RAB11FIP3: variants seen among roughly 807,000 people sequenced by gnomAD.
RAB11FIP3 encodes RAB11 family interacting protein 3, also known as rab11 family-interacting protein 3.
RAB11FIP3 carries 17 observed loss-of-function variants against 77.8 expected under a neutral mutation model. The observed-to-expected ratio is 0.22, with a 90% CI of 0.15 to 0.33. The LOEUF is 0.33. Ranked by LOEUF, RAB11FIP3 falls within the 10% of genes least tolerant of loss-of-function variation. RAB11FIP3 has a pLI of 1.00. For synonymous variants in RAB11FIP3, 437 were observed against 448.2 expected, an observed-to-expected ratio of 0.98 and a Z score of 0.31; for missense variants, 1,005 against 1,011.2, an observed-to-expected ratio of 0.99 and a Z score of 0.08.
chr16:505,149 C>G lies in RAB11FIP3; in HGVS notation c.1396-375C>G, dbSNP rs1204478429. On this transcript the variant is annotated intron_variant, in intron 7 of 13. Transcript: ENST00000262305. The surrounding 1 kb of genome is among the most constrained non-coding windows in gnomAD (Gnocchi z 4.0). ...GGACCGAGACATGGATCTGTCTGTC[C>G]CTTGCATCCATGGGCACCTGGGCTG... Among the ~76,000 whole-genome samples, 1 of 151,540 alleles carries G rather than the reference C, an allele frequency of 6.6e-6. No individual in the cohort carries two copies. The highest frequency in any genetic ancestry group is 1.5e-5 in the Non-Finnish European group (1 of 67,928).
At chr16:453,597 T>TG (rs143706828) in intron 1 of RAB11FIP3, 49,346 of 148,338 alleles carry the variant, frequency 0.33, 10,474 homozygotes, top group Middle Eastern at 0.49. Context: ...TTTTTTTTTT[T>TG]TTTTTTTTTT....
rs200080085 is a variant in RAB11FIP3, at chr16:482,539, G to A, written c.918G>A (p.Thr306=). 3.8e-5 allele frequency: 62 copies of A among 1,613,520 alleles called. 2 individuals carry two copies. In the South Asian group the frequency reaches 5.2e-4, roughly 13 times the overall value. The change falls in exon 4 of 14, where the codon ACG becomes ACA. Residue 306 remains threonine, a synonymous_variant. Coordinates refer to ENST00000262305, the MANE Select transcript of RAB11FIP3 (RefSeq NM_014700.4). ...CTCTCTCCTAGGCCAACGAGGTGAC[G>A]GACAGCGCGTACATGGGCTCCGAGA... ...DFVTYEANEV[T]DSAYMGSEST...
At chr16:469,545 C>T (rs993720800) in intron 2 of RAB11FIP3, among the ~76,000 whole-genome samples, 1 of 151,966 alleles carries the variant, frequency 6.6e-6, no homozygotes, top group East Asian at 1.9e-4. Context: ...CAGGCATGCC[C>T]CCACCACACC....
At chr16:445,128 AAAAG>A (rs2055292419) in intron 1 of RAB11FIP3, among the ~76,000 whole-genome samples, 2 of 141,778 alleles carry the variant, frequency 1.4e-5, no homozygotes, top group Non-Finnish European at 3.1e-5. Context: ...AAAAAAAAAA[AAAAG>A]AAAAAAAGAT....
At chr16:454,379 C>T (rs1264170232) in intron 1 of RAB11FIP3, among the ~76,000 whole-genome samples, 1 of 152,110 alleles carries the variant, frequency 6.6e-6, no homozygotes, top group Non-Finnish European at 1.5e-5. Context: ...GAGTTTGAGA[C>T]CAGCCTGAGC....
chr16:425,937 G>C lies in RAB11FIP3; in HGVS notation c.-70G>C. The C allele has an allele frequency of 1.6e-6, 1 of 643,840 alleles. No homozygotes were observed. 39.9% of individuals were successfully genotyped at this position (643,840 alleles called of 1,614,324 possible). A position where few individuals can be genotyped will look rare whatever the true frequency, so the allele number is the denominator to read the frequency against. On this transcript the variant is annotated 5_prime_UTR_variant, in exon 1 of 14. Transcript: ENST00000262305. ...CCCGCGCCGCCGAGGGGATGCCCGC[G>C]CCCGCCGCCGCGCCCTGAGCGCCTT... is the stretch of plus-strand genomic sequence containing the variant.
chr16:485,404 A>G (rs748540315), intron 4 of RAB11FIP3, among the ~76,000 whole-genome samples: 14 of 140,700 alleles, frequency 1.0e-4, no homozygotes, highest in Non-Finnish European at 2.1e-4. Flanking sequence ...CTTTTGAGGA[A>G]CAGATTTTTG....
rs2031872263 is a variant in RAB11FIP3 at position 506,285 on chromosome 16, T to C, written c.1499+658T>C. On this transcript the variant is annotated intron_variant, in intron 8 of 13. Coordinates refer to ENST00000262305, the MANE Select transcript of RAB11FIP3 (RefSeq NM_014700.4). This position sits in a 1 kb window ranked among gnomAD's most constrained non-coding sequence, Gnocchi z 4.5. ...AGCCGATTTGCAGGACTGTTTCCGG[T>C]GCAAAGTAAGATGAGCTTGTCCCAG... 1.3e-5 allele frequency among the ~76,000 whole-genome samples: 2 copies of C among 152,022 alleles called. No individual in the cohort carries two copies. Among genetic ancestry groups the C allele is most frequent in the Non-Finnish European group, 2.9e-5 (2 of 68,004 alleles).
In RAB11FIP3 at chr16:507,876, A is replaced by G. The variant is rs1042327807; in HGVS notation, c.1499+2249A>G. The stretch of plus-strand genomic sequence containing the variant: ...TCTGAGCCATTTGCTCTCTAGCCCT[A>G]CCATACAGCTGCCATCCTAAGAGTA... On this transcript the variant is annotated intron_variant, in intron 8 of 13. Coordinates refer to ENST00000262305, the MANE Select transcript of RAB11FIP3 (RefSeq NM_014700.4). This position sits in a 1 kb window ranked among gnomAD's most constrained non-coding sequence, Gnocchi z 4.6. Among the ~76,000 whole-genome samples the G allele has an allele frequency of 1.3e-5, 2 of 150,350 alleles. No homozygotes were observed. The highest frequency in any genetic ancestry group is 6.6e-5 in the Admixed American group (1 of 15,084).
rs556919817 is a variant in RAB11FIP3, at chr16:444,635, G to T, written c.715-16769G>T. Among the ~76,000 whole-genome samples the T allele has an allele frequency of 2.1e-4, 31 of 151,068 alleles. No individual in the cohort carries two copies. In the South Asian group the frequency reaches 3.2e-3, roughly 15 times the overall value. ...GGCTGAGGCAGGTGTTTTACTTGAGGTCAGGAGTTCGAAACCAGCCTGGGC... is the reference window on the plus strand; with the variant it reads ...GGCTGAGGCAGGTGTTTTACTTGAGTTCAGGAGTTCGAAACCAGCCTGGGC... On this transcript the variant is annotated intron_variant, in intron 1 of 13. Coordinates refer to ENST00000262305, the MANE Select transcript of RAB11FIP3 (RefSeq NM_014700.4).
intron 4 of RAB11FIP3, among the ~76,000 whole-genome samples, chr16:483,321 C>T (rs1197987172): frequency 1.3e-5 from 2 of 152,192 alleles, no homozygotes; most frequent in African/African-American, 2.4e-5. Context: ...AACTGATGGA[C>T]CCCCTCTCTC....
rs1000920923 is a variant in RAB11FIP3 at position 461,766 on chromosome 16, A to G, written c.808+269A>G. Among the ~76,000 whole-genome samples the G allele has an allele frequency of 1.3e-5, 2 of 152,106 alleles. No individual in the cohort carries two copies. Among genetic ancestry groups the G allele is most frequent in the Non-Finnish European group, 2.9e-5 (2 of 68,036 alleles). ...CTTCCTCAAAGATTTCATGATGACAATTTGAGAATTTTCAAAATATTGAAA... is the reference window on the plus strand; with the variant it reads ...CTTCCTCAAAGATTTCATGATGACAGTTTGAGAATTTTCAAAATATTGAAA... On this transcript the variant is annotated intron_variant, in intron 2 of 13. Coordinates refer to ENST00000262305, the MANE Select transcript of RAB11FIP3 (RefSeq NM_014700.4). This position sits in a 1 kb window ranked among gnomAD's most constrained non-coding sequence, Gnocchi z 4.5.
chr16:511,489 TC>T (rs1440151440), intron 9 of RAB11FIP3, among the ~76,000 whole-genome samples: 5 of 119,038 alleles, frequency 4.2e-5, no homozygotes, highest in Non-Finnish European at 3.4e-5. Context: ...TAGGAGAAGT[TC>T]CCCGACGGCC....
Position 520,113 on chromosome 16 carries a change from G to T in RAB11FIP3, c.1861-9G>T. On this transcript the variant is annotated splice_polypyrimidine_tract_variant and intron_variant, in intron 11 of 13. Transcript: ENST00000262305. ...AGGCCCCCCGGCTCACTGCACGGTT[G>T]CCCTGCAGCTGATCGAGGACCTCCG... 1.3e-6 allele frequency: 2 copies of T among 1,545,134 alleles called. No individual in the cohort carries two copies. Among genetic ancestry groups the T allele is most frequent in the Non-Finnish European group, 8.7e-7 (1 of 1,146,976 alleles).
intron 4 of RAB11FIP3, among the ~76,000 whole-genome samples, chr16:487,672 C>T (rs1292260497): frequency 6.6e-6 from 1 of 152,040 alleles, no homozygotes. Flanking sequence ...AAGGTTCTCC[C>T]GAGGACTCCT....
Position 520,234 on chromosome 16 carries a change from C to T in RAB11FIP3, c.1973C>T (p.Ala658Val), listed in dbSNP as rs2141913152. 1.3e-6 allele frequency: 2 copies of T among 1,545,904 alleles called. No homozygotes were observed. Among genetic ancestry groups the T allele is most frequent in the East Asian group, 2.4e-5 (1 of 41,234 alleles). ...SMGLQEYHSR[A>V]RESELEQEVR... ...GGCCTGCAGGAGTACCACAGCCGCGCCCGGGAGAGCGAGCTGGAGCAGGAG... is the reference window on the plus strand; with the variant it reads ...GGCCTGCAGGAGTACCACAGCCGCGTCCGGGAGAGCGAGCTGGAGCAGGAG... Residue 658 changes from alanine to valine, a missense_variant, in exon 12 of 14, where the codon GCC (alanine) becomes GTC (valine). By Grantham distance (64) the Ala-to-Val change is moderately conservative (BLOSUM62 0). Transcript: ENST00000262305.
chr16:454,910 C>T (rs982539553), intron 1 of RAB11FIP3, among the ~76,000 whole-genome samples: 3 of 151,658 alleles, frequency 2.0e-5, no homozygotes, highest in Admixed American at 6.6e-5. Context: ...GTTAGCGAGG[C>T]GTGGTGGTAC....
At chr16:460,991 G>A (rs1022798903) in intron 1 of RAB11FIP3, among the ~76,000 whole-genome samples, 19 of 150,436 alleles carry the variant, frequency 1.3e-4, no homozygotes, top group African/African-American at 4.5e-4. Flanking sequence ...TGCATGTGGT[G>A]AAAAAGCCAA....
At chr16:518,885 C>T in intron 9 of RAB11FIP3, 58 bp from the exon 10 acceptor site, 1 of 1,560,830 alleles carries the variant, frequency 6.4e-7, no homozygotes, top group South Asian at 1.1e-5. Flanking sequence ...ACAGGGCACA[C>T]TGGCCCTGTA....
Sources: allele counts gnomAD v4.1 joint callset (sites outside exome capture counted in the v4.1 genomes callset), GRCh38; gene constraint gnomAD v4.1.1; non-coding constraint Gnocchi (gnomAD v3.1); transcripts MANE v1.5; gene names NCBI Gene and HGNC (gene_info 2026-07-23, HGNC 2026-07-21).